TLE4: variants seen among roughly 807,000 people sequenced by gnomAD.
TLE4 encodes the protein TLE family member 4, transcriptional corepressor.
TLE4 carries 8 observed loss-of-function variants against 92.8 expected under a neutral mutation model. The observed-to-expected ratio is 0.09, with a 90% CI of 0.05 to 0.16. The LOEUF is 0.16. Among genes scored for constraint, TLE4 ranks in the 10% least tolerant of loss-of-function variants. The pLI is 1.00. For synonymous variants in TLE4, 371 were observed against 374.1 expected (o/e 0.99, Z 0.10); for missense variants, 675 against 997.6 (o/e 0.68, Z 4.36).
intron 7 of TLE4, among the ~76,000 whole-genome samples, chr9:79,653,268 T>A (rs892414961): frequency 6.6e-6 from 1 of 152,236 alleles, no homozygotes; most frequent in African/African-American, 2.4e-5. Flanking sequence ...GTAGTCTTAG[T>A]AATTAAGAAG....
At chr9:79,700,117 T>C (rs1368869664) in intron 8 of TLE4, among the ~76,000 whole-genome samples, 2 of 152,206 alleles carry the variant, frequency 1.3e-5, no homozygotes, top group African/African-American at 4.8e-5. Flanking sequence ...CTGCGCGTTG[T>C]ACTTTATGTG....
chr9:79,630,904 G>A (rs913158556), intron 6 of TLE4, among the ~76,000 whole-genome samples: 1 of 152,034 alleles, frequency 6.6e-6, no homozygotes, highest in Non-Finnish European at 1.5e-5. Context: ...AAAAGAAAAT[G>A]TTTGGCTTAT....
chr9:79,690,771 A>G (rs1042998575), intron 8 of TLE4, among the ~76,000 whole-genome samples: 2 of 98,596 alleles, frequency 2.0e-5, no homozygotes, highest in Non-Finnish European at 4.0e-5. Flanking sequence ...ATGTGCCACC[A>G]CTCCTGGCTT....
At chr9:79,719,467 C>T (rs779436788) in intron 15 of TLE4, among the ~76,000 whole-genome samples, 1 of 152,128 alleles carries the variant, frequency 6.6e-6, no homozygotes, top group Non-Finnish European at 1.5e-5. Flanking sequence ...CATAAGATTC[C>T]CGTAACCTCA....
At chr9:79,606,237 G>T (rs1395089952) in intron 4 of TLE4, among the ~76,000 whole-genome samples, 4 of 81,778 alleles carry the variant, frequency 4.9e-5, no homozygotes, top group South Asian at 4.5e-4. Context: ...ACAAGCACTT[G>T]AACTGAAATA....
intron 8 of TLE4, chr9:79,668,809 T>G: frequency 7.1e-6 from 7 of 985,344 alleles, no homozygotes; most frequent in Non-Finnish European, 8.4e-6. Context: ...CTTTTGTATA[T>G]TCAAATGGAG....
chr9:79,606,518 C>A (rs900042422), intron 4 of TLE4, among the ~76,000 whole-genome samples: 1 of 151,694 alleles, frequency 6.6e-6, no homozygotes, highest in East Asian at 1.9e-4. Context: ...TAATGCTATC[C>A]CTCCCCCAGT....
chr9:79,607,466 G>T (rs1399784233), intron 4 of TLE4, among the ~76,000 whole-genome samples: 2 of 152,114 alleles, frequency 1.3e-5, no homozygotes, highest in Non-Finnish European at 2.9e-5. Context: ...GTTCTGAATG[G>T]TATTGCCTAG....
chr9:79,686,590 T>C (rs569400986), intron 8 of TLE4, among the ~76,000 whole-genome samples: 41 of 152,170 alleles, frequency 2.7e-4, no homozygotes, highest in Non-Finnish European at 5.1e-4. Context: ...AGGAAGGCCA[T>C]GAGAAAGCAA....
Position 79,708,655 on chromosome 9 carries a change from C to T in TLE4, c.1132C>T (p.Pro378Ser), listed in dbSNP as rs773780549. 6 of 1,614,092 alleles carry T rather than the reference C, an allele frequency of 3.7e-6. No homozygotes were observed. Among genetic ancestry groups the T allele is most frequent in the South Asian group, 3.3e-5 (3 of 91,086 alleles). Residue 378 changes from proline to serine, a missense_variant, in exon 13 of 20, where the codon CCC becomes TCC. By Grantham distance (74) the Pro-to-Ser change is moderately conservative. Coordinates refer to ENST00000376552, the MANE Select transcript of TLE4 (RefSeq NM_007005.6). ...ATATCCAACTCCATTTGGGATTGTG[C>T]CCCATGCTGGAATGAACGGAGAGCT... is the stretch of plus-strand genomic sequence containing the variant. ...CPYPTPFGIV[P>S]HAGMNGELTS...
At chr9:79,599,023 C>T (rs942684609) in intron 4 of TLE4, among the ~76,000 whole-genome samples, 3 of 152,172 alleles carry the variant, frequency 2.0e-5, no homozygotes, top group African/African-American at 7.2e-5. Flanking sequence ...CATCCTCCAT[C>T]TTTCCTCTTG....
intron 5 of TLE4, among the ~76,000 whole-genome samples, chr9:79,625,224 T>G (rs565336905): frequency 6.6e-6 from 1 of 151,528 alleles, no homozygotes; most frequent in Admixed American, 6.6e-5. Flanking sequence ...TTTCGCCGTT[T>G]TAGCCGGGAT....
chr9:79,577,909 A>G (rs1587616759), intron 4 of TLE4, among the ~76,000 whole-genome samples: 2 of 152,162 alleles, frequency 1.3e-5, no homozygotes, highest in South Asian at 2.1e-4. Context: ...TTATACTGCT[A>G]TAATTCTGTC....
At chr9:79,660,886 G>A (rs780223090) in intron 8 of TLE4, among the ~76,000 whole-genome samples, 10 of 152,146 alleles carry the variant, frequency 6.6e-5, no homozygotes, top group African/African-American at 1.2e-4. Context: ...TCCGCCGATC[G>A]CTGAAGCAGA....
chr9:79,591,374 G>A (rs2042494821), intron 4 of TLE4, among the ~76,000 whole-genome samples: 1 of 152,178 alleles, frequency 6.6e-6, no homozygotes, highest in African/African-American at 2.4e-5. Context: ...TATTCAGGCT[G>A]TGTTTAGTGT....
intron 6 of TLE4, among the ~76,000 whole-genome samples, chr9:79,631,618 G>GTGTA (rs1554724656): frequency 8.4e-6 from 1 of 119,286 alleles, no homozygotes; most frequent in African/African-American, 4.4e-5. Flanking sequence ...AACCTTAAAT[G>GTGTA]TGTGTGTGTG....
Position 79,709,715 on chromosome 9 carries a change from C to T in TLE4, c.1340+16C>T, listed in dbSNP as rs754533223. 8 of 1,612,832 alleles carry T rather than the reference C, an allele frequency of 5.0e-6. No individual in the cohort carries two copies. The highest frequency in any genetic ancestry group is 6.8e-6 in the Non-Finnish European group (8 of 1,179,030). ...GAGGAAAACCGTGAGTACCTTTTTG[C>T]CTCTGTGCTCATTGTGTGTCAAACT... On this transcript the variant is annotated intron_variant, in intron 14 of 19. Coordinates refer to ENST00000376552, the MANE Select transcript of TLE4 (RefSeq NM_007005.6).
chr9:79,708,817 T>C lies in TLE4; in HGVS notation c.1263+31T>C, dbSNP rs569514717. The C allele has an allele frequency of 3.2e-6, 5 of 1,581,230 alleles. No individual in the cohort carries two copies. The South Asian group carries it at 3.3e-5, about 11-fold the overall frequency. Reference sequence around the variant, plus strand: ...TTTGTGAGCTTCACAAATAATATTTTAGCACACGGAGGATTGTCATGCTTG... The same window carrying C: ...TTTGTGAGCTTCACAAATAATATTTCAGCACACGGAGGATTGTCATGCTTG... On this transcript the variant is annotated intron_variant, in intron 13 of 19. Coordinates refer to ENST00000376552, the MANE Select transcript of TLE4 (RefSeq NM_007005.6).
At chr9:79,608,293 C>G (rs898403005) in intron 4 of TLE4, among the ~76,000 whole-genome samples, 36 of 151,946 alleles carry the variant, frequency 2.4e-4, no homozygotes, top group African/African-American at 8.5e-4. Context: ...ACTTTTTAAT[C>G]TAGGGTCAGG....
Sources: allele counts gnomAD v4.1 joint callset (sites outside exome capture counted in the v4.1 genomes callset), GRCh38; gene constraint gnomAD v4.1.1; transcripts MANE v1.5; gene names NCBI Gene and HGNC (gene_info 2026-07-23, HGNC 2026-07-21).